Variants in ALOX12 observed in about 807,000 individuals in gnomAD.
ALOX12 encodes the protein polyunsaturated fatty acid lipoxygenase ALOX12.
Under a neutral mutation model 85.5 loss-of-function variants are expected in ALOX12, and 62 were observed. The observed-to-expected ratio is 0.73, with a 90% confidence interval of 0.59 to 0.90. The LOEUF (loss-of-function observed/expected upper bound fraction) is 0.90, where lower values mean the gene tolerates loss of function less well. Ranked by LOEUF, ALOX12 falls within the 40% of genes least tolerant of loss-of-function variation. The pLI is 0.00. For synonymous variants in ALOX12, 299 were observed against 332.7 expected, an observed-to-expected ratio of 0.90 and a Z score of 1.10; for missense variants, 751 against 856.5, an observed-to-expected ratio of 0.88 and a Z score of 1.54.
chr17:6,997,928 T>C (rs904644248), intron 2 of ALOX12, among the ~76,000 whole-genome samples: 2 of 151,696 alleles, frequency 1.3e-5, no homozygotes, highest in Non-Finnish European at 2.9e-5. Context: ...GTGAGGGCAG[T>C]AGGGATGGAA....
chr17:6,998,447 G>T, intron 2 of ALOX12, 62 bp from the exon 3 acceptor site: 1 of 1,099,582 alleles, frequency 9.1e-7, no homozygotes, highest in South Asian at 1.3e-5. Flanking sequence ...GGGAGATGAG[G>T]ACAAGAGGCG....
intron 6 of ALOX12, 139 bp downstream of exon 6, chr17:6,999,605 GA>G: frequency 1.2e-6 from 1 of 851,060 alleles, no homozygotes; most frequent in Non-Finnish European, 1.8e-6. Context: ...GAAAAATACA[GA>G]AATAAAATAT....
At chr17:7,003,964 G>A (rs1212604917) in intron 8 of ALOX12, among the ~76,000 whole-genome samples, 1 of 151,862 alleles carries the variant, frequency 6.6e-6, no homozygotes, top group East Asian at 1.9e-4. Context: ...TGTTAACTAT[G>A]TGGAAAGGAA....
Position 6,999,057 on chromosome 17 carries a change from G to A in ALOX12, c.646+1G>A. ...TGGGGCCAGAAGAGTGCCCTGGCTG[G>A]TCAGTGGTTCCCCGAGGTCTCCATA... On this transcript the variant is annotated splice_donor_variant, in intron 5 of 13. Transcript: ENST00000251535. LOFTEE classifies it high-confidence loss of function. 6.2e-7 allele frequency: 1 copy of A among 1,613,326 alleles called. No homozygotes were observed. The highest frequency in any genetic ancestry group is 8.5e-7 in the Non-Finnish European group (1 of 1,179,786).
intron 8 of ALOX12, among the ~76,000 whole-genome samples, chr17:7,004,977 C>T (rs1908964455): frequency 6.6e-6 from 1 of 152,120 alleles, no homozygotes. Flanking sequence ...TATTGCTGCC[C>T]CCTGTTGACA....
chr17:6,999,052 G>C lies in ALOX12; in HGVS notation c.642G>C (p.Leu214=). ...DQIFWGQKSA[L]AEKVRQCWQD... ...TCTTCTGGGGCCAGAAGAGTGCCCT[G>C]GCTGGTCAGTGGTTCCCCGAGGTCT... is the stretch of plus-strand genomic sequence containing the variant. Residue 214 remains leucine, a synonymous_variant, in exon 5 of 14, where the codon CTG becomes CTC. Coordinates refer to ENST00000251535, the MANE Select transcript of ALOX12 (RefSeq NM_000697.3). 1 of 1,613,598 alleles carries C rather than the reference G, an allele frequency of 6.2e-7. No homozygotes were observed. The highest frequency in any genetic ancestry group is 8.5e-7 in the Non-Finnish European group (1 of 1,179,934).
At chr17:6,997,248 G>A (rs1908491909) in intron 2 of ALOX12, 2 of 639,548 alleles carry the variant, frequency 3.1e-6, no homozygotes, top group Non-Finnish European at 3.9e-6. Flanking sequence ...CTGGAGGCAG[G>A]GAGTAAGTGA....
chr17:7,006,114 C>G, intron 10 of ALOX12, 87 bp downstream of exon 10: 2 of 988,802 alleles, frequency 2.0e-6, no homozygotes, highest in Non-Finnish European at 2.9e-6. Context: ...GCAAGAAGGT[C>G]CAGAAAGGAG....
rs751879724 is a variant in ALOX12 at position 6,999,456 on chromosome 17, A to G, written c.797A>G (p.Lys266Arg). 8.1e-5 allele frequency: 130 copies of G among 1,613,972 alleles called. No individual in the cohort carries two copies. Among genetic ancestry groups the G allele is most frequent in the Admixed American group, 1.5e-4 (9 of 60,002 alleles). The change falls in exon 6 of 14, where the codon AAA becomes AGA. Residue 266 changes from lysine to arginine, a missense_variant. Physicochemically the swap from Lys to Arg is conservative, Grantham distance 26. Coordinates refer to ENST00000251535, the MANE Select transcript of ALOX12 (RefSeq NM_000697.3). ...GAAGAGCTTCAGGCTCAACTGGAGAAAGAACTTCAGGTACCTCTCCTTCCC... is the reference window on the plus strand; with the variant it reads ...GAAGAGCTTCAGGCTCAACTGGAGAGAGAACTTCAGGTACCTCTCCTTCCC... ...GMEELQAQLE[K>R]ELQNGSLFEA...
chr17:7,005,260 C>A lies in ALOX12; in HGVS notation c.1165C>A (p.Leu389Met). 6.2e-6 allele frequency: 10 copies of A among 1,613,502 alleles called. No homozygotes were observed. The highest frequency in any genetic ancestry group is 8.5e-6 in the Non-Finnish European group (10 of 1,179,476). The part of the protein sequence containing the change: ...LPGLHPIFKF[L>M]IPHIRYTMEI... Reference sequence around the variant, plus strand: ...CCTCCAATCTCCTCCTCTCCAGTTCCTGATCCCCCATATCCGCTACACCAT... The same window carrying A: ...CCTCCAATCTCCTCCTCTCCAGTTCATGATCCCCCATATCCGCTACACCAT... Residue 389 changes from leucine to methionine, a missense_variant, in exon 9 of 14, where the codon CTG (leucine) becomes ATG (methionine). Transcript: ENST00000251535.
At chr17:7,006,198 C>T (rs575022688) in intron 10 of ALOX12, among the ~76,000 whole-genome samples, 171 bp downstream of exon 10, 1 of 142,652 alleles carries the variant, frequency 7.0e-6, no homozygotes, top group East Asian at 2.1e-4. Context: ...AATGAGGAGA[C>T]TGGGATGAGG....
Position 7,000,749 on chromosome 17 carries a change from G to C in ALOX12, c.951+270G>C, listed in dbSNP as rs1908668156. On this transcript the variant is annotated intron_variant, in intron 7 of 13. Transcript: ENST00000251535. The surrounding 1 kb of genome is among the most constrained non-coding windows in gnomAD (Gnocchi z 4.6). ...CATCAGAATCACCTGAATGCCTGTTGAAATGCAGATTTCTGGATCCCATGA... is the reference window on the plus strand; with the variant it reads ...CATCAGAATCACCTGAATGCCTGTTCAAATGCAGATTTCTGGATCCCATGA... Among the ~76,000 whole-genome samples, 1 of 152,086 alleles carries C rather than the reference G, an allele frequency of 6.6e-6. No individual in the cohort carries two copies. The highest frequency in any genetic ancestry group is 2.4e-5 in the African/African-American group (1 of 41,408).
intron 8 of ALOX12, 91 bp from the exon 9 acceptor site, chr17:7,005,163 AGAG>A (rs1286279862): frequency 9.2e-6 from 10 of 1,083,334 alleles, no homozygotes; most frequent in Admixed American, 3.4e-5. Flanking sequence ...GAAAGCATCA[AGAG>A]GAGAAGGCGC....
chr17:6,998,942 A>G lies in ALOX12; in HGVS notation c.543-11A>G. The stretch of plus-strand genomic sequence containing the variant: ...ATCAGCTGATGAGTTAAGCCTCAAT[A>G]CCTGTCCTAGGGCTCTGGAGATGGC... On this transcript the variant is annotated splice_polypyrimidine_tract_variant and intron_variant, in intron 4 of 13. Coordinates refer to ENST00000251535, the MANE Select transcript of ALOX12 (RefSeq NM_000697.3). The G allele has an allele frequency of 6.2e-7, 1 of 1,613,892 alleles. No homozygotes were observed. The highest frequency in any genetic ancestry group is 8.5e-7 in the Non-Finnish European group (1 of 1,179,910).
Position 7,009,859 on chromosome 17 carries a change from TGAAAGCC to T in ALOX12, c.1641+13_1641+19del. ...TCAACCAGGGCCAGGTATGGACAGCTGAAAGCCCAGGTCCCTGAAGGCAAGGTGACCT... is the reference window on the plus strand; with the variant it reads ...TCAACCAGGGCCAGGTATGGACAGCTCAGGTCCCTGAAGGCAAGGTGACCT... On this transcript the variant is annotated intron_variant, in intron 12 of 13. Coordinates refer to ENST00000251535, the MANE Select transcript of ALOX12 (RefSeq NM_000697.3). 1 of 1,614,098 alleles carries T rather than the reference TGAAAGCC, an allele frequency of 6.2e-7. No homozygotes were observed. Among genetic ancestry groups the T allele is most frequent in the Non-Finnish European group, 8.5e-7 (1 of 1,179,948 alleles).
intron 8 of ALOX12, among the ~76,000 whole-genome samples, chr17:7,002,937 TTG>T (rs1319831245): frequency 6.6e-6 from 1 of 152,094 alleles, no homozygotes; most frequent in Non-Finnish European, 1.5e-5. Context: ...AACAACCAAA[TTG>T]TGTTTCAGCT....
chr17:7,010,253 G>C lies in ALOX12; in HGVS notation c.1822G>C (p.Gly608Arg). 6.2e-7 allele frequency: 1 copy of C among 1,613,662 alleles called. No homozygotes were observed. The highest frequency in any genetic ancestry group is 8.5e-7 in the Non-Finnish European group (1 of 1,179,804). ...SRRQPDMVPL[G>R]HHKEKYFSGP... is the part of the protein sequence containing the mutation. ...CTTTGTTCTGTCTCAGGTGCCTCTG[G>C]GGCACCACAAAGAAAAATATTTCTC... is the stretch of plus-strand genomic sequence containing the variant. The change falls in exon 14 of 14, where the codon GGG (glycine) becomes CGG (arginine). Residue 608 changes from glycine to arginine, a missense_variant. Transcript: ENST00000251535.
At position 7,006,627 on chromosome 17, in the gene ALOX12, C is replaced by G; in HGVS notation, c.1540+20C>G. On this transcript the variant is annotated intron_variant, in intron 11 of 13. Transcript: ENST00000251535. ...ACCGAGGTAAGATCCATTCTAGAGA[C>G]AGAAGAAGCTCCTGGGAGACTCTGC... 6.4e-7 allele frequency: 1 copy of G among 1,557,438 alleles called. No individual in the cohort carries two copies. Among genetic ancestry groups the G allele is most frequent in the African/African-American group, 1.4e-5 (1 of 73,268 alleles).
chr17:7,005,819 C>A (rs1398701956), intron 9 of ALOX12, 39 bp from the exon 10 acceptor site: 1 of 1,592,856 alleles, frequency 6.3e-7, no homozygotes, highest in Non-Finnish European at 8.5e-7. Context: ...GTTCTCCAGC[C>A]CTGTTTCCCC....
Sources: gnomAD v4.1 joint callset for allele counts (sites outside exome capture counted in the v4.1 genomes callset) on GRCh38, gnomAD v4.1.1 for gene constraint, Gnocchi (gnomAD v3.1) non-coding constraint, MANE v1.5 for transcripts, NCBI Gene and HGNC (gene_info 2026-07-23, HGNC 2026-07-21) for gene names.